Variants in TUSC3 observed in about 807,000 individuals in gnomAD.
The protein encoded by TUSC3 is tumor suppressor candidate 3, also known as dolichyl-diphosphooligosaccharide--protein glycosyltransferase subunit TUSC3.
TUSC3 carries 45 observed loss-of-function variants against 44.8 expected under a neutral mutation model. That is an observed-to-expected ratio of 1.00 (90% CI 0.79 to 1.29). The LOEUF is 1.29. TUSC3 is among the 50% of genes most tolerant of loss of function. The probability of loss-of-function intolerance (pLI) is 0.00; values close to 1 mark genes in which losing one functional copy is unlikely to be tolerated. For synonymous variants in TUSC3, 212 were observed against 152.9 expected (o/e 1.39, Z -2.85); for missense variants, 519 against 437.9 (o/e 1.19, Z -1.65).
intron 2 of TUSC3, among the ~76,000 whole-genome samples, chr8:15,521,620 C>A (rs1037852417): frequency 1.3e-5 from 2 of 149,766 alleles, no homozygotes; most frequent in African/African-American, 2.5e-5. Context: ...TTACCCCCCC[C>A]AAAAAAAGGT....
At chr8:15,567,412 A>C (rs1482197131) in intron 1 of TUSC3, among the ~76,000 whole-genome samples, 1 of 152,134 alleles carries the variant, frequency 6.6e-6, no homozygotes, top group African/African-American at 2.4e-5. Flanking sequence ...TATATCTTCA[A>C]ATCATCCATG....
the TUSC3 span, among the ~76,000 whole-genome samples, chr8:15,772,074 G>A: frequency 2.0e-5 from 3 of 151,958 alleles, no homozygotes; most frequent in Non-Finnish European, 4.4e-5. Context: ...GGGCCACAGA[G>A]CAAGACTCCG....
At chr8:15,451,841 G>A (rs1028181450) in intron 1 of TUSC3, among the ~76,000 whole-genome samples, 3 of 152,084 alleles carry the variant, frequency 2.0e-5, no homozygotes, top group Non-Finnish European at 4.4e-5. Flanking sequence ...AAGGAAAGTA[G>A]AAAATTGCTT....
chr8:15,672,799 A>C (rs1347110099), intron 5 of TUSC3, among the ~76,000 whole-genome samples: 4 of 152,030 alleles, frequency 2.6e-5, no homozygotes, highest in African/African-American at 9.7e-5. Flanking sequence ...TCCTTTAAAA[A>C]ATTGTGCAAA....
chr8:15,522,331 C>G (rs373438936), intron 2 of TUSC3, among the ~76,000 whole-genome samples: 69 of 151,980 alleles, frequency 4.5e-4, no homozygotes, highest in African/African-American at 1.6e-3. Flanking sequence ...CTCCCGGGTT[C>G]AAGCAATTCT....
chr8:15,474,762 A>T (rs1800551712), intron 1 of TUSC3, among the ~76,000 whole-genome samples: 1 of 152,240 alleles, frequency 6.6e-6, no homozygotes, highest in South Asian at 2.1e-4. Flanking sequence ...AATAAGTGAA[A>T]TAGCCAGGAA....
chr8:15,612,694 G>T (rs1463684952), intron 1 of TUSC3, among the ~76,000 whole-genome samples: 1 of 152,174 alleles, frequency 6.6e-6, no homozygotes, highest in Non-Finnish European at 1.5e-5. Flanking sequence ...TTCATTCATA[G>T]ATGTGACCTT....
At chr8:15,458,884 T>C (rs1318561013) in intron 1 of TUSC3, among the ~76,000 whole-genome samples, 1 of 152,194 alleles carries the variant, frequency 6.6e-6, no homozygotes, top group African/African-American at 2.4e-5. Flanking sequence ...AAAGTATTAA[T>C]ATGTAAGCTC....
At chr8:15,673,275 A>T in intron 5 of TUSC3, among the ~76,000 whole-genome samples, 1 of 152,114 alleles carries the variant, frequency 6.6e-6, no homozygotes, top group East Asian at 1.9e-4. Context: ...CTTTGCTGAA[A>T]GTATTTAGGT....
chr8:15,799,068 G>A, the TUSC3 span, among the ~76,000 whole-genome samples: 1 of 152,248 alleles, frequency 6.6e-6, no homozygotes, highest in South Asian at 2.1e-4. Context: ...CCTTGACAAG[G>A]CTAATGCTCC....
At chr8:15,443,571 T>C (rs1022344655) in intron 1 of TUSC3, among the ~76,000 whole-genome samples, 2 of 152,120 alleles carry the variant, frequency 1.3e-5, no homozygotes, top group African/African-American at 4.8e-5. Context: ...AAGCTGTTCT[T>C]ATTCCTTCCT....
Position 15,623,101 on chromosome 8 carries a change from G to C in TUSC3, c.160G>C (p.Glu54Gln), listed in dbSNP as rs775791792. ...KKENLLAEKV[E>Q]QLMEWSSRRS... Reference sequence around the variant, plus strand: ...GCAGAATCTTTTAGCTGAAAAAGTAGAGCAGCTGATGGAATGGAGTTCCAG... The same window carrying C: ...GCAGAATCTTTTAGCTGAAAAAGTACAGCAGCTGATGGAATGGAGTTCCAG... Residue 54 changes from glutamate to glutamine, a missense_variant, in exon 2 of 11, where the codon GAG (glutamate) becomes CAG (glutamine). Glu to Gln is a conservative substitution (Grantham distance 29). Transcript: ENST00000503731. The C allele has an allele frequency of 1.9e-6, 3 of 1,613,638 alleles. No homozygotes were observed. The highest frequency in any genetic ancestry group is 2.5e-6 in the Non-Finnish European group (3 of 1,179,862).
intron 1 of TUSC3, among the ~76,000 whole-genome samples, chr8:15,569,148 A>G (rs1054420246): frequency 1.3e-5 from 2 of 152,120 alleles, no homozygotes; most frequent in African/African-American, 4.8e-5. Context: ...CGAAATGTTT[A>G]TTTATAGTCT....
intron 6 of TUSC3, among the ~76,000 whole-genome samples, chr8:15,727,481 GATAC>G (rs1810543737): frequency 6.6e-6 from 1 of 152,052 alleles, no homozygotes; most frequent in Non-Finnish European, 1.5e-5. Flanking sequence ...ATTGGTGCCT[GATAC>G]ATACTAATTG....
At chr8:15,745,922 A>G (rs73530227) in intron 8 of TUSC3, among the ~76,000 whole-genome samples, 4,417 of 152,022 alleles carry the variant, frequency 0.029, 219 homozygotes, top group African/African-American at 0.098. Flanking sequence ...TAGGTGTTAC[A>G]TTTACTTTTC....
chr8:15,829,130 T>C, the TUSC3 span, among the ~76,000 whole-genome samples: 3 of 152,218 alleles, frequency 2.0e-5, no homozygotes, highest in Non-Finnish European at 4.4e-5. Context: ...TGTCGTTCTA[T>C]GGTATGTGCA....
intron 6 of TUSC3, among the ~76,000 whole-genome samples, chr8:15,726,533 C>A (rs369789244): frequency 1.3e-5 from 2 of 152,058 alleles, no homozygotes; most frequent in African/African-American, 4.8e-5. Context: ...GGGCCAGGTG[C>A]GGTGGCTCAC....
intron 6 of TUSC3, among the ~76,000 whole-genome samples, chr8:15,726,441 A>T (rs1310043769): frequency 6.6e-6 from 1 of 152,276 alleles, no homozygotes; most frequent in African/African-American, 2.4e-5. Flanking sequence ...GAATTTTGTT[A>T]TAACCTTATT....
chr8:15,502,564 C>G (rs1296688631), intron 2 of TUSC3, among the ~76,000 whole-genome samples: 1 of 152,228 alleles, frequency 6.6e-6, no homozygotes, highest in Non-Finnish European at 1.5e-5. Context: ...GATCTCCGCT[C>G]ACTGCAAGCT....
Sources: gnomAD v4.1 joint callset for allele counts (sites outside exome capture counted in the v4.1 genomes callset) on GRCh38, gnomAD v4.1.1 for gene constraint, MANE v1.5 for transcripts, NCBI Gene and HGNC (gene_info 2026-07-23, HGNC 2026-07-21) for gene names.